Variants in GYS2 observed in about 807,000 individuals in gnomAD.
GYS2 encodes the protein glycogen [starch] synthase, liver.
In GYS2, 80 loss-of-function variants were observed where a neutral mutation model predicts 85.6. That is an observed-to-expected ratio of 0.93 (90% CI 0.78 to 1.13). The LOEUF (loss-of-function observed/expected upper bound fraction) is 1.13. Among genes scored for constraint, GYS2 ranks in the 50% most tolerant of loss-of-function variants. The pLI is 0.00. For missense variants in GYS2, 881 were observed against 854.9 expected (o/e 1.03, Z -0.38); for synonymous variants, 328 against 300.7 (o/e 1.09, Z -0.94).
intron 1 of GYS2, among the ~76,000 whole-genome samples, chr12:21,586,084 G>A (rs939933643): frequency 6.6e-6 from 1 of 152,150 alleles, no homozygotes; most frequent in Admixed American, 6.5e-5. Context: ...GTCTGTGAGG[G>A]TATTGCCAAA....
rs903547775 is a variant in GYS2, at chr12:21,542,734, C to T, written c.1550-143G>A. 5.8e-6 allele frequency: 4 copies of T among 694,184 alleles called. No homozygotes were observed. The Admixed American group carries it at 6.1e-5, about 11-fold the overall frequency. 43.0% of individuals were successfully genotyped at this position (694,184 alleles called of 1,614,324 possible). On this transcript the variant is annotated intron_variant, in intron 12 of 15. Transcript: ENST00000261195. ...TCACAACACTAAACTCTTTACATGT[C>T]TCACTAACTTATTTAATCTCTCAAC...
chr12:21,565,258 GAT>G (rs1473964262), intron 5 of GYS2, among the ~76,000 whole-genome samples: 15 of 149,564 alleles, frequency 1.0e-4, no homozygotes, highest in South Asian at 2.1e-4. Flanking sequence ...GAGAGAGAGA[GAT>G]AGATAATTTT....
At chr12:21,553,669 T>C (rs1944139718) in intron 11 of GYS2, among the ~76,000 whole-genome samples, 1 of 152,090 alleles carries the variant, frequency 6.6e-6, no homozygotes, top group African/African-American at 2.4e-5. Context: ...TTCTGGTAAG[T>C]GGGAGGTACA....
chr12:21,540,521 C>A lies in GYS2; in HGVS notation c.1698G>T (p.Gln566His). The change falls in exon 14 of 16, where the codon CAG (glutamine) becomes CAT (histidine). Residue 566 changes from glutamine (Q) to histidine (H), a missense_variant. Coordinates refer to ENST00000261195, the MANE Select transcript of GYS2 (RefSeq NM_021957.4). Reference sequence around the variant, plus strand: ...AAAATCCATAGAGAAACTTAGTCAGCTGATTGCAAGAATCATCTGGAGAAC... The same window carrying A: ...AAAATCCATAGAGAAACTTAGTCAGATGATTGCAAGAATCATCTGGAGAAC... ...RFRSPDDSCNQLTKFLYGFCK... is the reference protein window; with the variant it reads ...RFRSPDDSCNHLTKFLYGFCK... 6.2e-7 allele frequency: 1 copy of A among 1,613,632 alleles called. No homozygotes were observed. Among genetic ancestry groups the A allele is most frequent in the Non-Finnish European group, 8.5e-7 (1 of 1,179,566 alleles).
rs375275946 is a variant in GYS2 at position 21,546,331 on chromosome 12, A to G, written c.1549+13T>C. 1.9e-6 allele frequency: 3 copies of G among 1,580,006 alleles called. No homozygotes were observed. Among genetic ancestry groups the G allele is most frequent in the Admixed American group, 1.7e-5 (1 of 59,834 alleles). ...AAATTCAAAACATTCCACACTCTAT[A>G]CATGACACATACCTGGAGTATAACC... On this transcript the variant is annotated intron_variant, in intron 12 of 15. Transcript: ENST00000261195.
At chr12:21,546,853 G>A (rs1412433269) in intron 11 of GYS2, among the ~76,000 whole-genome samples, 4 of 152,158 alleles carry the variant, frequency 2.6e-5, no homozygotes, top group Non-Finnish European at 5.9e-5. Flanking sequence ...ACTTGAGCAG[G>A]GAAGAGGGGG....
chr12:21,597,985 T>TA (rs1419085991), intron 1 of GYS2, among the ~76,000 whole-genome samples: 1 of 151,934 alleles, frequency 6.6e-6, no homozygotes, highest in Non-Finnish European at 1.5e-5. Context: ...ATGTGGGAGC[T>TA]AAAAAAGTTA....
chr12:21,551,187 A>G (rs1207893287), intron 11 of GYS2, among the ~76,000 whole-genome samples: 1 of 115,586 alleles, frequency 8.7e-6, no homozygotes, highest in Non-Finnish European at 1.7e-5. Flanking sequence ...CAGTCCCCAG[A>G]GTGTGATGTT....
intron 1 of GYS2, among the ~76,000 whole-genome samples, chr12:21,585,560 G>GAAAAAAAAAA (rs36121025): frequency 3.5e-5 from 4 of 115,786 alleles, no homozygotes; most frequent in Non-Finnish European, 5.4e-5. Context: ...ACTCCACCAG[G>GAAAAAAAAAA]AAAAAAAAAA....
chr12:21,549,702 T>C (rs552264113), intron 11 of GYS2, among the ~76,000 whole-genome samples: 46 of 152,344 alleles, frequency 3.0e-4, no homozygotes, highest in Middle Eastern at 3.4e-3. Flanking sequence ...CATAATTAGA[T>C]TTAGTTCACA....
chr12:21,555,699 C>T (rs1469463779), intron 11 of GYS2, among the ~76,000 whole-genome samples: 1 of 152,146 alleles, frequency 6.6e-6, no homozygotes, highest in African/African-American at 2.4e-5. Flanking sequence ...TTCCTAATTC[C>T]TGTTTTACAT....
At chr12:21,559,548 C>T (rs1166915264) in intron 9 of GYS2, 103 bp downstream of exon 9, 5 of 748,132 alleles carry the variant, frequency 6.7e-6, no homozygotes, top group African/African-American at 5.2e-5. Context: ...GTTATTAATT[C>T]CTTGATATTT....
At chr12:21,598,072 C>T (rs1018565922) in intron 1 of GYS2, among the ~76,000 whole-genome samples, 4 of 151,572 alleles carry the variant, frequency 2.6e-5, no homozygotes, top group East Asian at 1.9e-4. Context: ...GGAAGGGAGA[C>T]GAAGAGAAGT....
intron 12 of GYS2, among the ~76,000 whole-genome samples, chr12:21,543,317 T>C (rs74626198): frequency 0.022 from 3,275 of 152,284 alleles, 61 homozygotes; most frequent in Non-Finnish European, 0.031. Flanking sequence ...CAACCTTATC[T>C]CTTGCTCTGC....
chr12:21,539,248 G>C lies in GYS2; in HGVS notation c.1890+10C>G. Reference sequence around the variant, plus strand: ...TATAGCTTTCAAAAAAAAATACATTGAATATTTACCGTTGGTGGTGATGTT... The same window carrying C: ...TATAGCTTTCAAAAAAAAATACATTCAATATTTACCGTTGGTGGTGATGTT... On this transcript the variant is annotated intron_variant, in intron 15 of 15. Transcript: ENST00000261195. 1 of 1,460,208 alleles carries C rather than the reference G, an allele frequency of 6.8e-7. No individual in the cohort carries two copies. The highest frequency in any genetic ancestry group is 9.6e-7 in the Non-Finnish European group (1 of 1,041,130). 90.5% of individuals were successfully genotyped at this position (1,460,208 alleles called of 1,614,324 possible).
chr12:21,564,591 A>T (rs1370117822), intron 5 of GYS2, among the ~76,000 whole-genome samples: 5 of 152,212 alleles, frequency 3.3e-5, no homozygotes, highest in Non-Finnish European at 7.3e-5. Context: ...ACACTCTTTT[A>T]CATACATGGC....
chr12:21,583,329 G>T (rs1944533442), intron 1 of GYS2, among the ~76,000 whole-genome samples: 1 of 152,180 alleles, frequency 6.6e-6, no homozygotes, highest in Admixed American at 6.5e-5. Flanking sequence ...GCTGCATTTG[G>T]CCACTCTTAC....
Position 21,537,158 on chromosome 12 carries a change from A to G in GYS2, c.1908T>C (p.Tyr636=), listed in dbSNP as rs557306159. The change falls in exon 16 of 16, where the codon TAT becomes TAC. Residue 636 remains tyrosine (Y), a synonymous_variant. Coordinates refer to ENST00000261195, the MANE Select transcript of GYS2 (RefSeq NM_021957.4). Reference sequence around the variant, plus strand: ...AAGGTGGTACTGAGGAAGGCCTGGGATATTTAAATCCTTCTGTCTGCCAAA... The same window carrying G: ...AAGGTGGTACTGAGGAAGGCCTGGGGTATTTAAATCCTTCTGTCTGCCAAA... ...TSPPTTEGFK[Y]PRPSSVPPSP... is the part of the protein sequence containing the mutation. 6.2e-6 allele frequency: 10 copies of G among 1,613,464 alleles called. No individual in the cohort carries two copies. In the East Asian group the frequency reaches 2.2e-4, roughly 36 times the overall value.
At chr12:21,543,221 G>T (rs917987298) in intron 12 of GYS2, among the ~76,000 whole-genome samples, 4 of 152,080 alleles carry the variant, frequency 2.6e-5, no homozygotes, top group Non-Finnish European at 5.9e-5. Context: ...ATTTATATTT[G>T]ATAATGGAAT....
Sources: allele counts gnomAD v4.1 joint callset (sites outside exome capture counted in the v4.1 genomes callset), GRCh38; gene constraint gnomAD v4.1.1; transcripts MANE v1.5; gene names NCBI Gene and HGNC (gene_info 2026-07-23, HGNC 2026-07-21).